The following GATB variants were observed in gnomAD, a reference collection of about 807,000 sequenced individuals.
The protein encoded by GATB is glutamyl-tRNA amidotransferase subunit B, also known as glutamyl-tRNA(Gln) amidotransferase subunit B, mitochondrial.
In GATB, 39 loss-of-function variants were observed where a neutral mutation model predicts 62.3. That is an observed-to-expected ratio of 0.63 (90% CI 0.48 to 0.82). The LOEUF (loss-of-function observed/expected upper bound fraction) is 0.82. GATB is among the 40% of genes least tolerant of loss of function. GATB has a pLI of 0.00. For synonymous variants in GATB, 276 were observed against 258.9 expected (o/e 1.07, Z -0.63); for missense variants, 670 against 684.0 (o/e 0.98, Z 0.23).
chr4:151,724,682 T>C (rs1197419142), intron 2 of GATB, among the ~76,000 whole-genome samples: 5 of 152,052 alleles, frequency 3.3e-5, no homozygotes, highest in Admixed American at 6.5e-5. Flanking sequence ...TCTTAGTATC[T>C]GGCAAGACTT....
intron 9 of GATB, among the ~76,000 whole-genome samples, chr4:151,698,242 T>C (rs566607075): frequency 6.6e-6 from 1 of 152,002 alleles, no homozygotes; most frequent in East Asian, 1.9e-4. Flanking sequence ...GTGTCAGGTA[T>C]TGTGTGTGGT....
intron 2 of GATB, chr4:151,722,017 G>A: frequency 1.7e-6 from 1 of 589,156 alleles, no homozygotes; most frequent in South Asian, 2.2e-5. Context: ...TTCAAGGTCA[G>A]AATTATAAGC....
chr4:151,715,657 G>A (rs1372044600), intron 5 of GATB, among the ~76,000 whole-genome samples: 1 of 152,186 alleles, frequency 6.6e-6, no homozygotes, highest in Non-Finnish European at 1.5e-5. Context: ...TAATTATGAA[G>A]TGCTATCTAT....
At chr4:151,732,075 G>A (rs1420636838) in intron 2 of GATB, among the ~76,000 whole-genome samples, 3 of 140,152 alleles carry the variant, frequency 2.1e-5, no homozygotes, top group South Asian at 4.6e-4. Context: ...GCCCCCGCCC[G>A]GCCAGCCGCC....
intron 2 of GATB, among the ~76,000 whole-genome samples, chr4:151,750,712 G>A (rs1449600394): frequency 6.6e-6 from 1 of 150,888 alleles, no homozygotes; most frequent in Non-Finnish European, 1.5e-5. Flanking sequence ...GAGTGCCGTG[G>A]TACACCTCCC....
intron 2 of GATB, among the ~76,000 whole-genome samples, chr4:151,726,105 T>C (rs1739132538): frequency 6.6e-6 from 1 of 152,248 alleles, no homozygotes; most frequent in South Asian, 2.1e-4. Flanking sequence ...ACAAATCTGA[T>C]AATTAGGATA....
chr4:151,701,900 C>T (rs1326442476), intron 8 of GATB, among the ~76,000 whole-genome samples: 2 of 152,224 alleles, frequency 1.3e-5, no homozygotes, highest in Non-Finnish European at 2.9e-5. Context: ...GGGACCATCA[C>T]AGAGTGCACT....
At chr4:151,751,112 G>A (rs181051286) in intron 2 of GATB, among the ~76,000 whole-genome samples, 1 of 152,136 alleles carries the variant, frequency 6.6e-6, no homozygotes, top group African/African-American at 2.4e-5. Flanking sequence ...GATGGATCTA[G>A]AATGTGGATG....
intron 2 of GATB, among the ~76,000 whole-genome samples, chr4:151,758,433 C>T (rs965560090): frequency 2.0e-5 from 3 of 152,214 alleles, no homozygotes; most frequent in Admixed American, 6.5e-5. Flanking sequence ...TCACACTGTT[C>T]TCTGTTTGTT....
At chr4:151,731,694 C>T (rs571441866) in intron 2 of GATB, among the ~76,000 whole-genome samples, 1,570 of 151,304 alleles carry the variant, frequency 0.01, 20 homozygotes, top group African/African-American at 0.036. Context: ...GGCCGCCCAT[C>T]GTCTGAGATG....
chr4:151,685,573 C>A (rs1029693655), intron 10 of GATB, among the ~76,000 whole-genome samples: 1 of 152,210 alleles, frequency 6.6e-6, no homozygotes, highest in African/African-American at 2.4e-5. Context: ...TGTTCCTGCA[C>A]CTGGGCTCCA....
intron 10 of GATB, among the ~76,000 whole-genome samples, chr4:151,685,528 C>T (rs1421799612): frequency 2.0e-5 from 3 of 152,194 alleles, no homozygotes; most frequent in East Asian, 1.9e-4. Flanking sequence ...CTGCCAGCTA[C>T]GCTCCTCTCC....
At chr4:151,677,570 AC>A (rs1738034510) in intron 11 of GATB, 1 of 152,230 alleles carries the variant, frequency 6.6e-6, no homozygotes, top group Non-Finnish European at 1.5e-5. Context: ...AAAAACTTGT[AC>A]ATGAATGTTT....
chr4:151,704,266 G>T (rs753591347), intron 7 of GATB, among the ~76,000 whole-genome samples: 9 of 152,120 alleles, frequency 5.9e-5, no homozygotes, highest in Non-Finnish European at 1.3e-4. Flanking sequence ...TCTTCACTCT[G>T]TTCCGCCTCT....
intron 2 of GATB, among the ~76,000 whole-genome samples, chr4:151,752,875 T>A (rs531285202): frequency 6.6e-6 from 1 of 152,322 alleles, no homozygotes; most frequent in South Asian, 2.1e-4. Context: ...AAGTCCTATG[T>A]AAATGCCCAG....
rs370063717 is a variant in GATB, at chr4:151,707,971, C to A, written c.877+17G>T. The A allele has an allele frequency of 2.7e-6, 4 of 1,494,184 alleles. No individual in the cohort carries two copies. In the Admixed American group the frequency reaches 6.7e-5, roughly 25 times the overall value. 92.6% of individuals were successfully genotyped at this position (1,494,184 alleles called of 1,614,324 possible). A position where few individuals can be genotyped will look rare whatever the true frequency, so the allele number is the denominator to read the frequency against. On this transcript the variant is annotated intron_variant, in intron 6 of 12. Coordinates refer to ENST00000263985, the MANE Select transcript of GATB (RefSeq NM_004564.3). ...ACAATAGGAAGAAGGACACTAGGAG[C>A]GGCAGCTGGCATTCACCTATGGCTT...
At chr4:151,758,019 CA>C (rs1320270202) in intron 2 of GATB, among the ~76,000 whole-genome samples, 1 of 152,042 alleles carries the variant, frequency 6.6e-6, no homozygotes, top group Non-Finnish European at 1.5e-5. Context: ...AAATATATGC[CA>C]AAAGTCTTGC....
chr4:151,687,200 C>T (rs1223321948), intron 10 of GATB: 4 of 152,344 alleles, frequency 2.6e-5, no homozygotes, highest in Admixed American at 6.5e-5. Flanking sequence ...CTCTCAACTG[C>T]AAACCTCCCC....
intron 11 of GATB, 135 bp from the exon 12 acceptor site, chr4:151,673,031 C>T (rs978497727): frequency 2.7e-6 from 3 of 1,130,250 alleles, no homozygotes; most frequent in African/African-American, 1.5e-5. Context: ...CTGGGCCTGG[C>T]CCAAAGGGAA....
Sources: allele counts gnomAD v4.1 joint callset (sites outside exome capture counted in the v4.1 genomes callset), GRCh38; gene constraint gnomAD v4.1.1; transcripts MANE v1.5; gene names NCBI Gene and HGNC (gene_info 2026-07-23, HGNC 2026-07-21).